Variants in ZNF487 observed in about 807,000 individuals in gnomAD.
ZNF487 encodes the protein KRAB domain only 1.
In ZNF487, 4 loss-of-function variants were observed where a neutral mutation model predicts 3.0. The observed-to-expected ratio is 1.35, with a 90% CI of 0.66 to 3.08. The LOEUF is 3.08. ZNF487 is among the 30% of genes most tolerant of loss of function. The pLI is 0.01. For missense variants in ZNF487, 146 were observed against 98.7 expected (o/e 1.48, Z -2.03); for synonymous variants, 55 against 34.6 (o/e 1.59, Z -2.06).
intron 1 of ZNF487, among the ~76,000 whole-genome samples, chr10:43,442,726 A>T (rs189180739): frequency 6.3e-4 from 96 of 152,192 alleles, no homozygotes; most frequent in Admixed American, 1.4e-3. Flanking sequence ...TACAGGCGTG[A>T]GACACCGCGC....
intron 1 of ZNF487, among the ~76,000 whole-genome samples, chr10:43,456,349 C>G (rs1319113009): frequency 6.6e-6 from 1 of 152,130 alleles, no homozygotes; most frequent in Non-Finnish European, 1.5e-5. Context: ...TTCACAGCAG[C>G]GGAAGACGAG....
chr10:43,447,985 A>ATTTTT (rs71016768), intron 1 of ZNF487, among the ~76,000 whole-genome samples: 24 of 100,144 alleles, frequency 2.4e-4, no homozygotes, highest in Middle Eastern at 7.2e-3. Context: ...CTTGGAAACC[A>ATTTTT]TTTTTTTTTT....
chr10:43,485,704 A>C (rs1841464887), downstream of ZNF487, among the ~76,000 whole-genome samples: 3 of 152,256 alleles, frequency 2.0e-5, no homozygotes, highest in African/African-American at 7.2e-5. Context: ...TATAATTAAA[A>C]TATATTTCAT....
chr10:43,492,791 A>T, the ZNF487 span, among the ~76,000 whole-genome samples: 1 of 152,182 alleles, frequency 6.6e-6, no homozygotes, highest in African/African-American at 2.4e-5. Context: ...ATATGTATAG[A>T]TAGTAAAGTG....
the ZNF487 span, among the ~76,000 whole-genome samples, chr10:43,504,971 GT>G: frequency 1.1e-4 from 17 of 152,232 alleles, no homozygotes; most frequent in African/African-American, 4.1e-4. Flanking sequence ...CTCCCAAAGT[GT>G]TGGGATTACA....
At chr10:43,485,089 ACTTTATTCTT>A (rs761279468), downstream of ZNF487, among the ~76,000 whole-genome samples, 8 of 152,140 alleles carry the variant, frequency 5.3e-5, no homozygotes, top group Non-Finnish European at 1.0e-4. Context: ...ATTTCTCCTA[ACTTTATTCTT>A]ACCTCCTCTT....
chr10:43,471,193 C>T (rs1256115817), intron 1 of ZNF487, among the ~76,000 whole-genome samples: 7 of 152,240 alleles, frequency 4.6e-5, no homozygotes, highest in South Asian at 4.2e-4. Context: ...CGGCCCATTG[C>T]GCTCAACCCC....
At chr10:43,464,028 T>C (rs1241821437) in intron 1 of ZNF487, among the ~76,000 whole-genome samples, 6 of 152,016 alleles carry the variant, frequency 3.9e-5, no homozygotes, top group African/African-American at 1.2e-4. Flanking sequence ...AGTGTTCCAG[T>C]GAGAGGAAGA....
chr10:43,497,801 A>G, the ZNF487 span, among the ~76,000 whole-genome samples: 1 of 151,448 alleles, frequency 6.6e-6, no homozygotes, highest in Non-Finnish European at 1.5e-5. Context: ...CCCCATCTCT[A>G]CTAAAAATAC....
At chr10:43,492,319 A>G in the ZNF487 span, among the ~76,000 whole-genome samples, 1 of 151,836 alleles carries the variant, frequency 6.6e-6, no homozygotes, top group Non-Finnish European at 1.5e-5. Flanking sequence ...ATCAAAATCT[A>G]TTGCAAATCA....
chr10:43,448,925 T>C (rs951989256), intron 1 of ZNF487, among the ~76,000 whole-genome samples: 2 of 146,014 alleles, frequency 1.4e-5, no homozygotes, highest in African/African-American at 5.1e-5. Context: ...GAGCAGGAGA[T>C]AGAGGCTGTG....
chr10:43,510,229 A>T, the ZNF487 span, among the ~76,000 whole-genome samples: 4 of 152,228 alleles, frequency 2.6e-5, no homozygotes, highest in Admixed American at 2.6e-4. Context: ...CATAGCTGGT[A>T]TTGATGACTA....
the ZNF487 span, among the ~76,000 whole-genome samples, chr10:43,503,851 A>T: frequency 6.6e-6 from 1 of 151,914 alleles, no homozygotes; most frequent in African/African-American, 2.4e-5. Flanking sequence ...CAAGGAATCC[A>T]CCTGCCTCTA....
chr10:43,485,431 T>C (rs1841463363), downstream of ZNF487, among the ~76,000 whole-genome samples: 1 of 152,180 alleles, frequency 6.6e-6, no homozygotes, highest in African/African-American at 2.4e-5. Context: ...AGAAAAACCA[T>C]ATTGATTATG....
At chr10:43,465,793 G>A (rs976454821) in intron 1 of ZNF487, among the ~76,000 whole-genome samples, 12 of 152,332 alleles carry the variant, frequency 7.9e-5, no homozygotes, top group African/African-American at 2.4e-4. Context: ...GGTGGCCGCC[G>A]AGCAGAGGCT....
chr10:43,454,656 T>G (rs966286015), intron 1 of ZNF487: 1 of 152,228 alleles, frequency 6.6e-6, no homozygotes, highest in African/African-American at 2.4e-5. Context: ...GATTTTTAAT[T>G]AAAATTGATT....
chr10:43,459,768 TTTATTATTATTATTATTA>T lies in ZNF487; in HGVS notation c.-93-15923_-93-15906del, dbSNP rs71016770. 2.2e-3 allele frequency among the ~76,000 whole-genome samples: 298 copies of T among 138,324 alleles called. 1 individual carries two copies. Among genetic ancestry groups the T allele is most frequent in the Middle Eastern group, 7.2e-3 (2 of 276 alleles). 90.7% of individuals were successfully genotyped at this position (138,324 alleles called of 152,430 possible). On this transcript the variant is annotated intron_variant, in intron 1 of 3. Coordinates refer to ENST00000437590, the MANE Select transcript of ZNF487 (RefSeq NM_001355444.3). ...TTTGCCGTGTTGCTCAGGCTGTGAGTTTATTATTATTATTATTATTATTATTATTATTATTATTATTAT... is the reference window on the plus strand; with the variant it reads ...TTTGCCGTGTTGCTCAGGCTGTGAGTTTATTATTATTATTATTATTATTAT...
intron 1 of ZNF487, among the ~76,000 whole-genome samples, chr10:43,445,713 G>T (rs1436596568): frequency 2.7e-5 from 4 of 148,946 alleles, no homozygotes; most frequent in African/African-American, 5.0e-5. Flanking sequence ...GATCATTCTT[G>T]GGTGTTTCTC....
intron 1 of ZNF487, among the ~76,000 whole-genome samples, chr10:43,449,667 T>C (rs1011062800): frequency 6.6e-6 from 1 of 151,978 alleles, no homozygotes; most frequent in Non-Finnish European, 1.5e-5. Flanking sequence ...GCAGTTAACA[T>C]GTATTGAAGC....
Sources: gnomAD v4.1 joint callset for allele counts (sites outside exome capture counted in the v4.1 genomes callset) on GRCh38, gnomAD v4.1.1 for gene constraint, MANE v1.5 for transcripts, NCBI Gene and HGNC (gene_info 2026-07-23, HGNC 2026-07-21) for gene names.